Variants in KCNG4 observed in about 807,000 individuals in gnomAD.
KCNG4 encodes the protein potassium voltage-gated channel modifier subfamily G member 4.
Under a neutral mutation model 28.2 loss-of-function variants are expected in KCNG4, and 30 were observed. The observed-to-expected ratio is 1.06, with a 90% confidence interval of 0.80 to 1.44. The LOEUF is 1.44. KCNG4 is among the 40% of genes most tolerant of loss of function. The pLI is 0.00. For missense variants in KCNG4, 879 were observed against 712.3 expected (o/e 1.23, Z -2.66); for synonymous variants, 375 against 315.5 (o/e 1.19, Z -2.00).
At chr16:84,227,722 T>C (rs952947319) in intron 2 of KCNG4, among the ~76,000 whole-genome samples, 1 of 152,042 alleles carries the variant, frequency 6.6e-6, no homozygotes, top group Admixed American at 6.5e-5. Flanking sequence ...ATTCATACAA[T>C]GGAATAGTAG....
At position 84,218,923 on chromosome 16, in the gene KCNG4, G is replaced by A. The variant is rs1597612905; in HGVS notation, c.*3294C>T. ...TGGGTAGAAGCCAGTTACAGGGATG[G>A]GCAGAGCTGTCATTAAGAAGTTTTC... On this transcript the variant is annotated 3_prime_UTR_variant, in exon 3 of 3. Transcript: ENST00000308251. 1 of 152,216 alleles carries A rather than the reference G, an allele frequency of 6.6e-6. No homozygotes were observed. 9.4% of individuals were successfully genotyped at this position (152,216 alleles called of 1,614,324 possible).
rs369129196 is a variant in KCNG4 at position 84,222,961 on chromosome 16, C to A, written c.816G>T (p.Trp272Cys). The A allele has an allele frequency of 2.4e-5, 37 of 1,568,228 alleles. No homozygotes were observed. Among genetic ancestry groups the A allele is most frequent in the Admixed American group, 1.3e-4 (7 of 53,238 alleles). The change falls in exon 3 of 3, where the codon TGG becomes TGT. Residue 272 changes from tryptophan to cysteine, a missense_variant. Coordinates refer to ENST00000308251, the MANE Select transcript of KCNG4 (RefSeq NM_172347.3). Reference sequence around the variant, plus strand: ...ACCGCAGGCAGAACTCCAGGGAGAACCAGGCCACGCAGATGGTCTCCACGA... The same window carrying A: ...ACCGCAGGCAGAACTCCAGGGAGAAACAGGCCACGCAGATGGTCTCCACGA... ...IFIVETICVA[W>C]FSLEFCLRFV...
chr16:84,229,692 G>C (rs950448746), intron 2 of KCNG4, among the ~76,000 whole-genome samples: 2 of 152,170 alleles, frequency 1.3e-5, no homozygotes, highest in East Asian at 3.9e-4. Flanking sequence ...GGGCATTTGC[G>C]GGGGGCTGGA....
At chr16:84,225,952 C>G (rs763646683) in intron 2 of KCNG4, among the ~76,000 whole-genome samples, 27 of 152,304 alleles carry the variant, frequency 1.8e-4, no homozygotes, top group Admixed American at 1.2e-3. Context: ...GGAAATAACT[C>G]CCAGCTTAGC....
chr16:84,237,377 T>G lies in KCNG4; in HGVS notation c.109A>C (p.Lys37Gln). The change falls in exon 2 of 3, where the codon AAG becomes CAG. Residue 37 changes from lysine to glutamine, a missense_variant. Transcript: ENST00000308251. ...CGCACCCTCCGGTAGTAAAGGCCCT[T>G]GATGGACGGCGTCTCCATGGGGCTG... ...LSSPMETPSI[K>Q]GLYYRRVRKV... 2 of 1,539,518 alleles carry G rather than the reference T, an allele frequency of 1.3e-6. No homozygotes were observed. Among genetic ancestry groups the G allele is most frequent in the South Asian group, 2.6e-5 (2 of 77,816 alleles).
chr16:84,228,638 C>A (rs1263793503), intron 2 of KCNG4, among the ~76,000 whole-genome samples: 1 of 147,280 alleles, frequency 6.8e-6, no homozygotes, highest in Non-Finnish European at 1.5e-5. Flanking sequence ...TAGCAGCTGT[C>A]CCCACTTCCC....
At chr16:84,234,831 C>A (rs1318116416) in intron 2 of KCNG4, among the ~76,000 whole-genome samples, 1 of 152,142 alleles carries the variant, frequency 6.6e-6, no homozygotes, top group Non-Finnish European at 1.5e-5. Context: ...AGGACATCAT[C>A]CTTTTACGTA....
chr16:84,234,387 C>A (rs1288752516), intron 2 of KCNG4, among the ~76,000 whole-genome samples: 1 of 152,022 alleles, frequency 6.6e-6, no homozygotes, highest in Non-Finnish European at 1.5e-5. Context: ...CCGTGTTGGC[C>A]AGGCTGATCT....
rs1400245904 is a variant in KCNG4 at position 84,219,097 on chromosome 16, A to C, written c.*3120T>G. The C allele has an allele frequency of 6.6e-6, 1 of 152,276 alleles. No homozygotes were observed. Among genetic ancestry groups the C allele is most frequent in the Non-Finnish European group, 1.5e-5 (1 of 68,072 alleles). 9.4% of individuals were successfully genotyped at this position (152,276 alleles called of 1,614,324 possible). On this transcript the variant is annotated 3_prime_UTR_variant, in exon 3 of 3. Transcript: ENST00000308251. ...CTCAGTTCAAAGGGCTGGGCTGGAC[A>C]CTGACGGGAAGGAGAGGAGACTGGG...
chr16:84,235,352 G>A (rs1904921680), intron 2 of KCNG4: 1 of 152,130 alleles, frequency 6.6e-6, no homozygotes, highest in African/African-American at 2.4e-5. Flanking sequence ...GAGGTCACTT[G>A]TTTTGTCTTA....
intron 2 of KCNG4, 79 bp from the exon 3 acceptor site, chr16:84,223,099 C>A: frequency 8.7e-7 from 1 of 1,154,412 alleles, no homozygotes. Flanking sequence ...GACTTCATGC[C>A]CATGAGCTTT....
rs768348008 is a variant in KCNG4, at chr16:84,237,388, G to A, written c.98C>T (p.Thr33Met). The change falls in exon 2 of 3, where the codon ACG becomes ATG. Residue 33 changes from threonine to methionine, a missense_variant. By Grantham distance (81) the Thr-to-Met change is moderately conservative. Transcript: ENST00000308251. ...WSQLLSSPME[T>M]PSIKGLYYRR... The stretch of plus-strand genomic sequence containing the variant: ...GTAGTAAAGGCCCTTGATGGACGGC[G>A]TCTCCATGGGGCTGGACAGGAGCTG... 11 of 1,535,410 alleles carry A rather than the reference G, an allele frequency of 7.2e-6. No homozygotes were observed. The highest frequency in any genetic ancestry group is 1.8e-4 in the Middle Eastern group (1 of 5,672).
intron 2 of KCNG4, among the ~76,000 whole-genome samples, chr16:84,228,710 T>C (rs1904754633): frequency 6.7e-6 from 1 of 150,230 alleles, no homozygotes; most frequent in African/African-American, 2.4e-5. Context: ...AGCCCCACCA[T>C]GGGACCTGGC....
intron 1 of KCNG4, among the ~76,000 whole-genome samples, chr16:84,238,877 A>G (rs1385958524): frequency 6.6e-6 from 1 of 150,714 alleles, no homozygotes; most frequent in Non-Finnish European, 1.5e-5. Flanking sequence ...CAAAAAGAAA[A>G]AAACAAAAAA....
At chr16:84,235,167 C>T (rs935640204) in intron 2 of KCNG4, among the ~76,000 whole-genome samples, 1 of 152,130 alleles carries the variant, frequency 6.6e-6, no homozygotes, top group Non-Finnish European at 1.5e-5. Flanking sequence ...TCATACCCTG[C>T]GTAATTTTCA....
At position 84,226,021 on chromosome 16, in the gene KCNG4, C is replaced by T. The variant is rs936901688; in HGVS notation, c.757-3001G>A. ...AGGAAAGAAAAAAGTTTTCCTTTCTCCCTTTGTGGAAGTTCTGTGCTTAAA... is the reference window on the plus strand; with the variant it reads ...AGGAAAGAAAAAAGTTTTCCTTTCTTCCTTTGTGGAAGTTCTGTGCTTAAA... On this transcript the variant is annotated intron_variant, in intron 2 of 2. Coordinates refer to ENST00000308251, the MANE Select transcript of KCNG4 (RefSeq NM_172347.3). This position sits in a 1 kb window ranked among gnomAD's most constrained non-coding sequence, Gnocchi z 4.1. Among the ~76,000 whole-genome samples the T allele has an allele frequency of 6.6e-6, 1 of 152,210 alleles. No homozygotes were observed. Among genetic ancestry groups the T allele is most frequent in the Admixed American group, 6.5e-5 (1 of 15,278 alleles).
At position 84,237,070 on chromosome 16, in the gene KCNG4, C is replaced by T; in HGVS notation, c.416G>A (p.Cys139Tyr). 1 of 1,614,066 alleles carries T rather than the reference C, an allele frequency of 6.2e-7. No individual in the cohort carries two copies. ...AGKLVLLQEM[C>Y]ALSFQEELAY... ...CAGCTCCTCCTGGAAGGACAGCGCG[C>T]ACATCTCCTGCAGAAGCACCAGCTT... Residue 139 changes from cysteine to tyrosine, a missense_variant, in exon 2 of 3, where the codon TGC becomes TAC. Coordinates refer to ENST00000308251, the MANE Select transcript of KCNG4 (RefSeq NM_172347.3).
chr16:84,235,192 G>C (rs894038397), intron 2 of KCNG4, among the ~76,000 whole-genome samples: 2 of 152,146 alleles, frequency 1.3e-5, no homozygotes, highest in African/African-American at 2.4e-5. Flanking sequence ...ATTAGGTTTT[G>C]AAAAGATCTT....
chr16:84,237,437 A>G lies in KCNG4; in HGVS notation c.49T>C (p.Tyr17His). Residue 17 changes from tyrosine (Y) to histidine (H), a missense_variant, in exon 2 of 3, where the codon TAT becomes CAT. Physicochemically the swap from Tyr to His is moderately conservative, Grantham distance 83. Transcript: ENST00000308251. ...TGACTCCAAGGGCTGTGGGAACCAT[A>G]GTGGTGGTGTCTGGGATGCAGGCCC... is the stretch of plus-strand genomic sequence containing the variant. ...DGGLHPRHHH[Y>H]GSHSPWSQLL... is the part of the protein sequence containing the mutation. The G allele has an allele frequency of 6.6e-7, 1 of 1,510,702 alleles. No homozygotes were observed. The highest frequency in any genetic ancestry group is 8.8e-7 in the Non-Finnish European group (1 of 1,130,660). 93.6% of individuals were successfully genotyped at this position (1,510,702 alleles called of 1,614,324 possible).
Sources: allele counts gnomAD v4.1 joint callset (sites outside exome capture counted in the v4.1 genomes callset), GRCh38; gene constraint gnomAD v4.1.1; non-coding constraint Gnocchi (gnomAD v3.1); transcripts MANE v1.5; gene names NCBI Gene and HGNC (gene_info 2026-07-23, HGNC 2026-07-21).